Variants in DNAJC13 observed in about 807,000 individuals in gnomAD.
DNAJC13 encodes dnaJ homolog subfamily C member 13.
In DNAJC13, 75 loss-of-function variants were observed where a neutral mutation model predicts 290.5. The ratio of observed to expected loss-of-function variants is 0.26; its 90% confidence interval spans 0.21 to 0.31. The LOEUF is 0.31. Among genes scored for constraint, DNAJC13 ranks in the 10% least tolerant of loss-of-function variants. The probability of loss-of-function intolerance (pLI) is 1.00; values close to 1 mark genes in which losing one functional copy is unlikely to be tolerated. For missense variants in DNAJC13, 2,260 were observed against 2,674.5 expected (o/e 0.85, Z 3.42); for synonymous variants, 862 against 892.0 (o/e 0.97, Z 0.60).
chr3:132,448,355 T>G (rs1005887717), intron 5 of DNAJC13, among the ~76,000 whole-genome samples: 2 of 152,190 alleles, frequency 1.3e-5, no homozygotes, highest in African/African-American at 4.8e-5. Flanking sequence ...TGAAACTGTC[T>G]TCTTACATGT....
At position 132,523,589 on chromosome 3, in the gene DNAJC13, C is replaced by G; in HGVS notation, c.5936C>G (p.Ala1979Gly). 1.2e-6 allele frequency: 2 copies of G among 1,614,066 alleles called. No homozygotes were observed. The highest frequency in any genetic ancestry group is 1.7e-6 in the Non-Finnish European group (2 of 1,179,968). Residue 1979 changes from alanine to glycine, a missense_variant, in exon 51 of 56, where the codon GCT (alanine) becomes GGT (glycine). Physicochemically the swap from Ala to Gly is moderately conservative, Grantham distance 60. This residue lies in a region of DNAJC13 where 1,494 missense variants were observed against 1,693.7 expected (regional missense o/e 0.88). Coordinates refer to ENST00000260818, the MANE Select transcript of DNAJC13 (RefSeq NM_015268.4). ...TTTGGAGAAGCAGAGGGTGAACTTG[C>G]TGTTGGAGGAGTCTTCTTGAGGATC... ...VVFGEAEGELAVGGVFLRIFI... is the reference protein window; with the variant it reads ...VVFGEAEGELGVGGVFLRIFI...
intron 48 of DNAJC13, among the ~76,000 whole-genome samples, chr3:132,518,497 C>G (rs565685187): frequency 6.6e-6 from 1 of 152,188 alleles, no homozygotes; most frequent in African/African-American, 2.4e-5. Flanking sequence ...GCACTACAGG[C>G]ACGCACCACC....
chr3:132,526,838 G>A (rs1307774238), intron 53 of DNAJC13, among the ~76,000 whole-genome samples: 4 of 152,132 alleles, frequency 2.6e-5, no homozygotes, highest in Admixed American at 1.3e-4. Flanking sequence ...TTACAAAAGC[G>A]ATCTTTCTAA....
intron 31 of DNAJC13, among the ~76,000 whole-genome samples, chr3:132,490,457 T>C (rs1055217414): frequency 1.3e-5 from 2 of 152,222 alleles, no homozygotes; most frequent in Admixed American, 1.3e-4. Flanking sequence ...CTACATTTCA[T>C]GAGGACAGGC....
Position 132,538,389 on chromosome 3 carries a change from AGT to A in DNAJC13, c.*110_*111del. The A allele has an allele frequency of 1.3e-6, 1 of 749,692 alleles. No homozygotes were observed. The highest frequency in any genetic ancestry group is 1.9e-5 in the South Asian group (1 of 51,332). 46.4% of individuals were successfully genotyped at this position (749,692 alleles called of 1,614,324 possible). A position where few individuals can be genotyped will look rare whatever the true frequency, so the allele number is the denominator to read the frequency against. ...ACTGCCTTTCTCCTGGTTTCATGAC[AGT>A]GTTATTCCTTTTTCTATAAATATAT... On this transcript the variant is annotated 3_prime_UTR_variant, in exon 56 of 56. Transcript: ENST00000260818.
intron 29 of DNAJC13, among the ~76,000 whole-genome samples, chr3:132,485,993 T>C (rs568728778): frequency 6.6e-6 from 1 of 151,918 alleles, no homozygotes; most frequent in African/African-American, 2.4e-5. Context: ...ACTCAGTTTA[T>C]ATATTTTTAC....
In DNAJC13 at chr3:132,513,028, G is replaced by T; in HGVS notation, c.5314G>T (p.Gly1772Trp). 6.2e-7 allele frequency: 1 copy of T among 1,613,012 alleles called. No homozygotes were observed. The highest frequency in any genetic ancestry group is 8.5e-7 in the Non-Finnish European group (1 of 1,179,224). Residue 1772 changes from glycine to tryptophan, a missense_variant, in exon 45 of 56, where the codon GGG (glycine) becomes TGG (tryptophan). By Grantham distance (184) the Gly-to-Trp change is radical. This residue lies in a region of DNAJC13 where 1,494 missense variants were observed against 1,693.7 expected (regional missense o/e 0.88). Transcript: ENST00000260818. ...YNPGSESECI[G>W]HFKLIFSLLR... Reference sequence around the variant, plus strand: ...TCTAGGTTCTGAGAGTGAATGCATTGGGCACTTTAAGTTGATATTTTCTCT... The same window carrying T: ...TCTAGGTTCTGAGAGTGAATGCATTTGGCACTTTAAGTTGATATTTTCTCT...
At chr3:132,418,284 C>A (rs1177227452) in intron 1 of DNAJC13, among the ~76,000 whole-genome samples, 1 of 152,220 alleles carries the variant, frequency 6.6e-6, no homozygotes, top group Non-Finnish European at 1.5e-5. Flanking sequence ...ATTTTCTCCC[C>A]TAAGGCTTTT....
At chr3:132,472,496 A>C in intron 20 of DNAJC13, 1 of 908,086 alleles carries the variant, frequency 1.1e-6, no homozygotes, top group Non-Finnish European at 1.3e-6. Flanking sequence ...AATTTAGCAG[A>C]TCTAGGCTCA....
intron 43 of DNAJC13, among the ~76,000 whole-genome samples, chr3:132,508,511 A>T (rs1262828961): frequency 6.6e-6 from 1 of 152,178 alleles, no homozygotes; most frequent in African/African-American, 2.4e-5. Flanking sequence ...GTGCTCATTT[A>T]CCCTTCTGAA....
intron 54 of DNAJC13, among the ~76,000 whole-genome samples, chr3:132,529,042 C>G (rs940771331): frequency 6.6e-6 from 1 of 152,050 alleles, no homozygotes; most frequent in Non-Finnish European, 1.5e-5. Flanking sequence ...CAGTGTTGTA[C>G]AAACACCACC....
At position 132,483,725 on chromosome 3, in the gene DNAJC13, T is replaced by C. The variant is rs1394115185; in HGVS notation, c.3182+148T>C. On this transcript the variant is annotated intron_variant, in intron 28 of 55. Coordinates refer to ENST00000260818, the MANE Select transcript of DNAJC13 (RefSeq NM_015268.4). ...CCTTTGGAATTTTTTGAAACAGATA[T>C]AAAGAATTTGCAAATTATATTAATA... is the stretch of plus-strand genomic sequence containing the variant. 4.5e-5 allele frequency: 39 copies of C among 861,974 alleles called. No homozygotes were observed. In the East Asian group the frequency reaches 9.3e-4, roughly 21 times the overall value. 53.4% of individuals were successfully genotyped at this position (861,974 alleles called of 1,614,324 possible).
intron 35 of DNAJC13, among the ~76,000 whole-genome samples, chr3:132,495,524 G>A (rs566960895): frequency 1.3e-5 from 2 of 152,106 alleles, no homozygotes; most frequent in East Asian, 1.9e-4. Context: ...GATTGCTTTG[G>A]GCAATTTATG....
At chr3:132,534,407 G>A (rs1021382919) in intron 55 of DNAJC13, among the ~76,000 whole-genome samples, 1 of 152,164 alleles carries the variant, frequency 6.6e-6, no homozygotes. Flanking sequence ...TGTAATCCCA[G>A]CAATTTTGGA....
chr3:132,428,529 C>T (rs1939163403), intron 1 of DNAJC13, among the ~76,000 whole-genome samples: 1 of 152,066 alleles, frequency 6.6e-6, no homozygotes, highest in Non-Finnish European at 1.5e-5. Flanking sequence ...AGGCTGGTCT[C>T]AAACTTCTGG....
At position 132,494,387 on chromosome 3, in the gene DNAJC13, A is replaced by G. The variant is rs773882633; in HGVS notation, c.3941+128A>G. The G allele has an allele frequency of 6.7e-5, 49 of 728,694 alleles. No individual in the cohort carries two copies. The Middle Eastern group carries it at 6.9e-4, about 10-fold the overall frequency. 45.1% of individuals were successfully genotyped at this position (728,694 alleles called of 1,614,324 possible). A position where few individuals can be genotyped will look rare whatever the true frequency, so the allele number is the denominator to read the frequency against. On this transcript the variant is annotated intron_variant, in intron 34 of 55. Transcript: ENST00000260818. ...ATACTTTGATATATACACCTTGGGA[A>G]TAACCATATGGAACTATATCTGTGT...
At chr3:132,448,652 A>G (rs1019035384) in intron 5 of DNAJC13, among the ~76,000 whole-genome samples, 53 of 152,190 alleles carry the variant, frequency 3.5e-4, no homozygotes, top group African/African-American at 1.2e-3. Flanking sequence ...AGCTTCTGGC[A>G]AAAGGCAGGA....
chr3:132,478,004 A>G lies in DNAJC13; in HGVS notation c.2573A>G (p.Tyr858Cys). 1 of 1,608,998 alleles carries G rather than the reference A, an allele frequency of 6.2e-7. No homozygotes were observed. Among genetic ancestry groups the G allele is most frequent in the Non-Finnish European group, 8.5e-7 (1 of 1,178,788 alleles). The change falls in exon 24 of 56, where the codon TAT (tyrosine) becomes TGT (cysteine). Residue 858 changes from tyrosine to cysteine, a missense_variant. Physicochemically the swap from Tyr to Cys is radical, Grantham distance 194. Around this residue, in one of 3 missense-constraint regions of DNAJC13, gnomAD observed 1,494 missense variants for 1,693.7 expected, o/e 0.88. Coordinates refer to ENST00000260818, the MANE Select transcript of DNAJC13 (RefSeq NM_015268.4). The part of the protein sequence containing the change: ...KRSYEFFNEL[Y>C]HRFLLTPKVN... ...AGGTATGAATTTTTCAATGAGCTTT[A>G]TCATCGCTTCTTGCTCACCCCAAAA...
chr3:132,487,615 G>A lies in DNAJC13; in HGVS notation c.3268-683G>A, dbSNP rs550818494. Among the ~76,000 whole-genome samples, 33 of 143,466 alleles carry A rather than the reference G, an allele frequency of 2.3e-4. No individual in the cohort carries two copies. In the South Asian group the frequency reaches 6.7e-3, roughly 29 times the overall value. 94.1% of individuals were successfully genotyped at this position (143,466 alleles called of 152,430 possible). On this transcript the variant is annotated intron_variant, in intron 29 of 55. Coordinates refer to ENST00000260818, the MANE Select transcript of DNAJC13 (RefSeq NM_015268.4). ...TTTGACCCCGAATTGAGGATTCATT[G>A]GAAGCAAGTGTTTTATAGAAAATTG...
Sources: gnomAD v4.1 joint callset for allele counts (sites outside exome capture counted in the v4.1 genomes callset) on GRCh38, gnomAD v4.1.1 for gene constraint, gnomAD v4.1.1 regional missense constraint, MANE v1.5 for transcripts, NCBI Gene and HGNC (gene_info 2026-07-23, HGNC 2026-07-21) for gene names.